Variants in RHOU observed in about 807,000 individuals in gnomAD.
RHOU encodes rho-related GTP-binding protein RhoU.
Under a neutral mutation model 12.6 loss-of-function variants are expected in RHOU, and 8 were observed. The ratio of observed to expected loss-of-function variants is 0.64; its 90% CI spans 0.37 to 1.15. The LOEUF (loss-of-function observed/expected upper bound fraction) is 1.15, where lower values mean the gene tolerates loss of function less well. Among genes scored for constraint, RHOU ranks in the 50% most tolerant of loss-of-function variants. The pLI, the probability that RHOU is intolerant of heterozygous loss-of-function variation, is 0.01. For missense variants in RHOU, 258 were observed against 347.0 expected (o/e 0.74, Z 2.04); for synonymous variants, 161 against 147.4 (o/e 1.09, Z -0.67).
the RHOU span, among the ~76,000 whole-genome samples, chr1:228,664,987 G>C: frequency 6.6e-6 from 1 of 152,116 alleles, no homozygotes; most frequent in African/African-American, 2.4e-5. Flanking sequence ...GTGGTGCCAG[G>C]CTGTTATGGT....
chr1:228,688,679 G>A, the RHOU span, among the ~76,000 whole-genome samples: 1 of 152,184 alleles, frequency 6.6e-6, no homozygotes, highest in African/African-American at 2.4e-5. Context: ...AGTGCTGTGT[G>A]TGCTGATACC....
the RHOU span, among the ~76,000 whole-genome samples, chr1:228,684,153 T>G: frequency 6.6e-6 from 1 of 151,820 alleles, no homozygotes; most frequent in Admixed American, 6.6e-5. Flanking sequence ...TTCTCCTGCC[T>G]CAGCCTCCTG....
the RHOU span, among the ~76,000 whole-genome samples, chr1:228,677,750 A>G: frequency 6.6e-6 from 1 of 152,184 alleles, no homozygotes; most frequent in African/African-American, 2.4e-5. Flanking sequence ...TTGCCACTGA[A>G]GATCTTCTAT....
intron 2 of RHOU, among the ~76,000 whole-genome samples, chr1:228,739,399 A>G (rs1478048499): frequency 6.6e-6 from 1 of 151,974 alleles, no homozygotes. Context: ...CCCCGTCTCT[A>G]CTAAAAATAC....
chr1:228,687,965 TCCTCCCTCCCTC>T, the RHOU span: 6 of 657,658 alleles, frequency 9.1e-6, no homozygotes, highest in East Asian at 2.7e-5. Flanking sequence ...CTTCTGTCCT[TCCTCCCTCCCTC>T]CCTCCCTCCC....
At chr1:228,676,231 A>C in the RHOU span, among the ~76,000 whole-genome samples, 2 of 151,650 alleles carry the variant, frequency 1.3e-5, no homozygotes, top group African/African-American at 4.9e-5. Flanking sequence ...TTGACCTTCC[A>C]AAGCACTGAG....
At chr1:228,702,247 G>T in the RHOU span, among the ~76,000 whole-genome samples, 1 of 152,042 alleles carries the variant, frequency 6.6e-6, no homozygotes, top group Non-Finnish European at 1.5e-5. Flanking sequence ...TATGATACAA[G>T]TACCCTTTCT....
the RHOU span, among the ~76,000 whole-genome samples, chr1:228,712,500 G>A: frequency 6.6e-6 from 1 of 152,000 alleles, no homozygotes; most frequent in Non-Finnish European, 1.5e-5. Flanking sequence ...ATGAGTTCAT[G>A]TCCTTTGTAG....
At chr1:228,701,522 G>A in the RHOU span, among the ~76,000 whole-genome samples, 1 of 151,854 alleles carries the variant, frequency 6.6e-6, no homozygotes, top group East Asian at 1.9e-4. Flanking sequence ...GTTTAAAAGA[G>A]AAAACCAAAG....
chr1:228,705,637 A>C, the RHOU span, among the ~76,000 whole-genome samples: 1 of 152,162 alleles, frequency 6.6e-6, no homozygotes, highest in Non-Finnish European at 1.5e-5. Flanking sequence ...TGCCTGACCT[A>C]GTCAGACATC....
chr1:228,682,787 A>G, the RHOU span, among the ~76,000 whole-genome samples: 1 of 152,206 alleles, frequency 6.6e-6, no homozygotes. Flanking sequence ...CGTCATTGCC[A>G]CTTATATAAA....
chr1:228,647,727 G>C, the RHOU span, among the ~76,000 whole-genome samples: 23,185 of 152,170 alleles, frequency 0.15, 2,141 homozygotes, highest in South Asian at 0.24. Flanking sequence ...CGGTTTCATC[G>C]TGTTGCGCCG....
chr1:228,651,187 AC>A, the RHOU span: 1 of 205,310 alleles, frequency 4.9e-6, no homozygotes, highest in Non-Finnish European at 1.0e-5. Flanking sequence ...TCCCTTCCAC[AC>A]CCAATCCCTA....
chr1:228,651,158 C>T, the RHOU span: 6 of 202,566 alleles, frequency 3.0e-5, no homozygotes, highest in South Asian at 2.2e-4. Context: ...CCAGCTCCTG[C>T]GGTAGGAATT....
rs909017905 is a variant in RHOU, at chr1:228,737,333, T to G, written c.263-340T>G. 4.6e-5 allele frequency among the ~76,000 whole-genome samples: 7 copies of G among 152,258 alleles called. No homozygotes were observed. The highest frequency in any genetic ancestry group is 1.7e-4 in the African/African-American group (7 of 41,478). On this transcript the variant is annotated intron_variant, in intron 1 of 2. Coordinates refer to ENST00000366691, the MANE Select transcript of RHOU (RefSeq NM_021205.6). The surrounding 1 kb of genome is among the most constrained non-coding windows in gnomAD (Gnocchi z 4.1). ...TAAAACTGCAGGGTTGCTTCCCATT[T>G]ACCCCCAGTGTTGTTTTTAGGTCCT...
the RHOU span, among the ~76,000 whole-genome samples, chr1:228,671,579 T>G: frequency 1.7e-4 from 25 of 151,468 alleles, no homozygotes; most frequent in Non-Finnish European, 3.2e-4. Context: ...TAGCCCAGCA[T>G]GGTGGTGGGT....
At chr1:228,660,869 G>A in the RHOU span, among the ~76,000 whole-genome samples, 2 of 150,546 alleles carry the variant, frequency 1.3e-5, no homozygotes, top group Non-Finnish European at 2.9e-5. Context: ...GGAGGCAGAG[G>A]TTGCGGTGAG....
the RHOU span, among the ~76,000 whole-genome samples, chr1:228,725,003 G>A: frequency 6.6e-6 from 1 of 152,126 alleles, no homozygotes; most frequent in Non-Finnish European, 1.5e-5. Flanking sequence ...CTTCTTTCTT[G>A]CCTGGCAGTC....
chr1:228,661,745 A>C, the RHOU span, among the ~76,000 whole-genome samples: 1 of 152,228 alleles, frequency 6.6e-6, no homozygotes, highest in Admixed American at 6.5e-5. Context: ...AACCTAGGCA[A>C]TACCATTCAG....
Sources: allele counts gnomAD v4.1 joint callset (sites outside exome capture counted in the v4.1 genomes callset), GRCh38; gene constraint gnomAD v4.1.1; non-coding constraint Gnocchi (gnomAD v3.1); transcripts MANE v1.5; gene names NCBI Gene and HGNC (gene_info 2026-07-23, HGNC 2026-07-21).